OPCML: variants seen among roughly 807,000 people sequenced by gnomAD.
The protein encoded by OPCML is opioid binding protein/cell adhesion molecule like.
Under a neutral mutation model 37.8 loss-of-function variants are expected in OPCML, and 13 were observed. The ratio of observed to expected loss-of-function variants is 0.34; its 90% CI spans 0.22 to 0.55. The LOEUF is 0.55. Ranked by LOEUF, OPCML falls within the 20% of genes least tolerant of loss-of-function variation. The pLI is 0.91. For synonymous variants in OPCML, 176 were observed against 168.8 expected (o/e 1.04, Z -0.33); for missense variants, 341 against 435.6 (o/e 0.78, Z 1.93).
intron 1 of OPCML, chr11:133,005,687 A>T: frequency 1.0e-6 from 1 of 976,868 alleles, no homozygotes; most frequent in East Asian, 1.1e-4. Context: ...CAATATATTA[A>T]ATGCATCTAA....
chr11:132,991,517 C>A (rs1404235271), intron 1 of OPCML, among the ~76,000 whole-genome samples: 1 of 152,184 alleles, frequency 6.6e-6, no homozygotes, highest in South Asian at 2.1e-4. Context: ...TAACGAGCAT[C>A]AATGAGCCCA....
chr11:133,097,552 T>C (rs1021119131), intron 1 of OPCML, among the ~76,000 whole-genome samples: 13 of 151,154 alleles, frequency 8.6e-5, no homozygotes, highest in African/African-American at 2.9e-4. Context: ...AAAGAGAAAA[T>C]GAACAGAGAA....
chr11:132,430,320 C>T (rs1245885853), intron 7 of OPCML, among the ~76,000 whole-genome samples: 1 of 151,968 alleles, frequency 6.6e-6, no homozygotes, highest in African/African-American at 2.4e-5. Context: ...GATAAGGCAG[C>T]GGCGATGAGG....
chr11:133,194,685 C>T (rs563873267), intron 1 of OPCML, among the ~76,000 whole-genome samples: 1 of 152,302 alleles, frequency 6.6e-6, no homozygotes, highest in East Asian at 1.9e-4. Flanking sequence ...ACAAAAGCCT[C>T]TTCCTCAAGA....
intron 1 of OPCML, among the ~76,000 whole-genome samples, chr11:133,157,846 T>C (rs1193039184): frequency 1.3e-5 from 2 of 152,204 alleles, no homozygotes; most frequent in African/African-American, 4.8e-5. Flanking sequence ...CCTCCTCTTC[T>C]GCGTTGATGC....
intron 3 of OPCML, among the ~76,000 whole-genome samples, chr11:132,641,911 T>C (rs1201912838): frequency 6.6e-6 from 1 of 152,212 alleles, no homozygotes; most frequent in Non-Finnish European, 1.5e-5. Flanking sequence ...CATTCAGGGC[T>C]CACATCGGCA....
intron 1 of OPCML, among the ~76,000 whole-genome samples, chr11:133,439,660 G>A (rs1054429568): frequency 3.3e-5 from 5 of 151,366 alleles, no homozygotes; most frequent in South Asian, 2.1e-4. Context: ...GTAGAGACGG[G>A]GTTTCACCGT....
intron 1 of OPCML, among the ~76,000 whole-genome samples, chr11:133,172,314 G>A (rs934896635): frequency 1.3e-5 from 2 of 152,186 alleles, no homozygotes; most frequent in African/African-American, 4.8e-5. Context: ...AAGTGCTGTG[G>A]TGGAAACAGT....
chr11:132,672,392 A>C (rs1942515028), intron 2 of OPCML, among the ~76,000 whole-genome samples: 1 of 152,182 alleles, frequency 6.6e-6, no homozygotes, highest in African/African-American at 2.4e-5. Flanking sequence ...GGAAACAACT[A>C]GTGCATTTGG....
At chr11:132,650,087 T>C (rs1010845325) in intron 3 of OPCML, among the ~76,000 whole-genome samples, 1 of 152,124 alleles carries the variant, frequency 6.6e-6, no homozygotes, top group Admixed American at 6.6e-5. Context: ...TGACGTGGGT[T>C]GTGGAGGTTA....
At chr11:132,985,588 G>T (rs1432877692) in intron 1 of OPCML, among the ~76,000 whole-genome samples, 1 of 152,174 alleles carries the variant, frequency 6.6e-6, no homozygotes, top group Non-Finnish European at 1.5e-5. Context: ...TATTCCCTTA[G>T]ATAAATTCAA....
chr11:132,688,395 G>T (rs1291334598), intron 2 of OPCML, among the ~76,000 whole-genome samples: 3 of 152,154 alleles, frequency 2.0e-5, no homozygotes, highest in African/African-American at 7.2e-5. Flanking sequence ...ACCGACACTA[G>T]CTTGAGACAT....
chr11:132,661,694 T>G (rs948953710), intron 2 of OPCML, among the ~76,000 whole-genome samples: 6 of 152,244 alleles, frequency 3.9e-5, no homozygotes, highest in Non-Finnish European at 8.8e-5. Context: ...CATTCCAAGC[T>G]AACCCTACCT....
chr11:133,275,380 A>T (rs2136492485), intron 1 of OPCML, among the ~76,000 whole-genome samples: 1 of 152,266 alleles, frequency 6.6e-6, no homozygotes, highest in Middle Eastern at 3.4e-3. Context: ...TTAATTCTTA[A>T]AAACTAAGGG....
In OPCML at chr11:133,373,564, G is replaced by T. The variant is rs920175743; in HGVS notation, c.61+158700C>A. Among the ~76,000 whole-genome samples, 40 of 150,732 alleles carry T rather than the reference G, an allele frequency of 2.7e-4. 1 individual carries two copies. The highest frequency in any genetic ancestry group is 7.5e-4 in the African/African-American group (31 of 41,082). ...CACCTGAGCCTGGGAGGTGGAGGTT[G>T]CAGTGAGCTGTGATCACGCCACTGT... On this transcript the variant is annotated intron_variant, in intron 1 of 7. Coordinates refer to ENST00000524381, the MANE Select transcript of OPCML (RefSeq NM_001012393.5).
intron 2 of OPCML, among the ~76,000 whole-genome samples, chr11:132,937,595 G>GGTGGGT (rs1555056056): frequency 1.6e-4 from 14 of 88,828 alleles, no homozygotes; most frequent in African/African-American, 3.7e-4. Flanking sequence ...GCGTGTGTGG[G>GGTGGGT]GTGTGTGTGT....
intron 3 of OPCML, among the ~76,000 whole-genome samples, chr11:132,546,376 C>A (rs1335510462): frequency 6.6e-6 from 1 of 152,124 alleles, no homozygotes. Flanking sequence ...CTGGTGTACC[C>A]ATCACCCAAG....
intron 1 of OPCML, among the ~76,000 whole-genome samples, chr11:132,973,968 G>T (rs184031239): frequency 1.5e-3 from 228 of 152,000 alleles, no homozygotes; most frequent in Non-Finnish European, 2.5e-3. Context: ...AGTGGATCTG[G>T]TCTAGCCTGC....
chr11:133,238,658 C>T lies in OPCML; in HGVS notation c.61+293606G>A, dbSNP rs1192549016. Among the ~76,000 whole-genome samples, 4 of 152,178 alleles carry T rather than the reference C, an allele frequency of 2.6e-5. No homozygotes were observed. In the East Asian group the frequency reaches 7.8e-4, roughly 30 times the overall value. Reference sequence around the variant, plus strand: ...ATCAGAGCCTCCCGCCCTAAGAAGCCTGAAGTCTCGGAGTCATAAAGCAAT... The same window carrying T: ...ATCAGAGCCTCCCGCCCTAAGAAGCTTGAAGTCTCGGAGTCATAAAGCAAT... On this transcript the variant is annotated intron_variant, in intron 1 of 7. Coordinates refer to ENST00000524381, the MANE Select transcript of OPCML (RefSeq NM_001012393.5).
Sources: gnomAD v4.1 joint callset for allele counts (sites outside exome capture counted in the v4.1 genomes callset) on GRCh38, gnomAD v4.1.1 for gene constraint, MANE v1.5 for transcripts, NCBI Gene and HGNC (gene_info 2026-07-23, HGNC 2026-07-21) for gene names.